Variants in GRIK5 observed in about 807,000 individuals in gnomAD.
The protein encoded by GRIK5 is glutamate receptor ionotropic, kainate 5.
Under a neutral mutation model 97.4 loss-of-function variants are expected in GRIK5, and 43 were observed. The ratio of observed to expected loss-of-function variants is 0.44; its 90% CI spans 0.35 to 0.57. The LOEUF (loss-of-function observed/expected upper bound fraction) is 0.57, where lower values mean the gene tolerates loss of function less well. GRIK5 is among the 20% of genes least tolerant of loss of function. The pLI is 0.01. For missense variants in GRIK5, 1,015 were observed against 1,382.0 expected, an observed-to-expected ratio of 0.73 and a Z score of 4.21; for synonymous variants, 580 against 583.5, an observed-to-expected ratio of 0.99 and a Z score of 0.09.
rs2075428309 is a variant in GRIK5, at chr19:42,002,079, G to C, written c.2514+1253C>G. 1 of 701,570 alleles carries C rather than the reference G, an allele frequency of 1.4e-6. No individual in the cohort carries two copies. Among genetic ancestry groups the C allele is most frequent in the East Asian group, 2.7e-5 (1 of 37,130 alleles). The allele number at this position is 701,570 out of a possible 1,614,324, so 43.5% of individuals were successfully genotyped here. A position where few individuals can be genotyped will look rare whatever the true frequency, so the allele number is the denominator to read the frequency against. Reference sequence around the variant, plus strand: ...GTGACTGGCTGTGCCGAAGCCCACTGCTACCTCATATACATGAGGCCTGAG... The same window carrying C: ...GTGACTGGCTGTGCCGAAGCCCACTCCTACCTCATATACATGAGGCCTGAG... On this transcript the variant is annotated intron_variant, in intron 19 of 19. Coordinates refer to ENST00000593562, the MANE Select transcript of GRIK5 (RefSeq NM_002088.5). The surrounding 1 kb of genome is among the most constrained non-coding windows in gnomAD (Gnocchi z 5.2).
intron 15 of GRIK5, among the ~76,000 whole-genome samples, chr19:42,015,153 A>G (rs2075609700): frequency 6.6e-6 from 1 of 152,238 alleles, no homozygotes; most frequent in South Asian, 2.1e-4. Context: ...TTCAACATGC[A>G]TGAGGCAAAA....
chr19:42,020,234 G>C (rs1291785823), intron 15 of GRIK5, among the ~76,000 whole-genome samples: 18 of 152,208 alleles, frequency 1.2e-4, no homozygotes, highest in Non-Finnish European at 1.5e-5. Context: ...TTAGTTAGGA[G>C]AAGGGAAAAA....
intron 8 of GRIK5, among the ~76,000 whole-genome samples, chr19:42,055,472 C>G (rs2076171139): frequency 6.6e-6 from 1 of 152,178 alleles, no homozygotes; most frequent in Non-Finnish European, 1.5e-5. Context: ...TATTATCAGA[C>G]ACCTGTTATG....
intron 11 of GRIK5, among the ~76,000 whole-genome samples, chr19:42,044,339 T>C (rs2076017132): frequency 6.6e-6 from 1 of 152,192 alleles, no homozygotes; most frequent in Admixed American, 6.5e-5. Context: ...CTAATACCAA[T>C]TATTATTAAA....
intron 8 of GRIK5, 26 bp downstream of exon 8, chr19:42,056,636 G>C (rs1169840361): frequency 6.2e-7 from 1 of 1,606,914 alleles, no homozygotes; most frequent in Non-Finnish European, 8.5e-7. Flanking sequence ...GTGTTTCTGG[G>C]TGTGACTGGG....
At position 42,018,981 on chromosome 19, in the gene GRIK5, G is replaced by A. The variant is rs79272947; in HGVS notation, c.1871+2320C>T. On this transcript the variant is annotated intron_variant, in intron 15 of 19. Coordinates refer to ENST00000593562, the MANE Select transcript of GRIK5 (RefSeq NM_002088.5). ...ACATCTGCTGAATGAGTGAATGTGT[G>A]GGAGGACTTTGGGTGCAGAAGAGAG... Among the ~76,000 whole-genome samples the A allele has an allele frequency of 6.8e-3, 1,038 of 152,312 alleles. 81 individuals carry two copies. The East Asian group carries it at 0.17, about 26-fold the overall frequency.
At position 42,065,315 on chromosome 19, in the gene GRIK5, A is replaced by T. The variant is rs780481622; in HGVS notation, c.152T>A (p.Ile51Asn). Residue 51 changes from isoleucine to asparagine, a missense_variant, in exon 3 of 20, where the codon ATC becomes AAC. Ile to Asn is a moderately radical substitution (Grantham distance 149). Transcript: ENST00000593562. The surrounding 1 kb of genome is among the most constrained non-coding windows in gnomAD (Gnocchi z 5.8). ...GGCTGGGACCTCGATGATCCCGTTG[A>T]TCTGCTCCCGGGCCAAGGCCAAGGC... ...RLALALAREQINGIIEVPAKA... is the reference protein window; with the variant it reads ...RLALALAREQNNGIIEVPAKA... 3 of 1,612,576 alleles carry T rather than the reference A, an allele frequency of 1.9e-6. No individual in the cohort carries two copies. The highest frequency in any genetic ancestry group is 2.5e-6 in the Non-Finnish European group (3 of 1,179,776).
chr19:42,066,754 G>A (rs2076338920), intron 1 of GRIK5, among the ~76,000 whole-genome samples: 1 of 151,914 alleles, frequency 6.6e-6, no homozygotes, highest in Non-Finnish European at 1.5e-5. Flanking sequence ...GCGGAGGAAA[G>A]AGGGGCAGGC....
Position 42,022,262 on chromosome 19 carries a change from G to T in GRIK5, c.1566C>A (p.Ser522Arg). 6.2e-7 allele frequency: 1 copy of T among 1,612,628 alleles called. No homozygotes were observed. Among genetic ancestry groups the T allele is most frequent in the Non-Finnish European group, 8.5e-7 (1 of 1,178,630 alleles). ...ATACCATGTGCACTCGGTAGAGGAT[G>T]CTGATCCCCAGGGTCATAAAGGGCT... ...FSKPFMTLGISILYRVHMGRK... is the reference protein window; with the variant it reads ...FSKPFMTLGIRILYRVHMGRK... Residue 522 changes from serine to arginine, a missense_variant, in exon 13 of 20, where the codon AGC becomes AGA. Coordinates refer to ENST00000593562, the MANE Select transcript of GRIK5 (RefSeq NM_002088.5). The surrounding 1 kb of genome is among the most constrained non-coding windows in gnomAD (Gnocchi z 4.2).
At chr19:42,052,451 C>T (rs955550780) in intron 11 of GRIK5, among the ~76,000 whole-genome samples, 1 of 152,198 alleles carries the variant, frequency 6.6e-6, no homozygotes, top group Non-Finnish European at 1.5e-5. Context: ...CCCTCCACAA[C>T]AGGATCACTG....
chr19:42,023,370 A>G (rs1381766799), intron 12 of GRIK5, among the ~76,000 whole-genome samples: 1 of 152,058 alleles, frequency 6.6e-6, no homozygotes, highest in Non-Finnish European at 1.5e-5. Context: ...GAGCATAGGG[A>G]GCTTCCATCC....
At position 42,002,476 on chromosome 19, in the gene GRIK5, G is replaced by A. The variant is rs1555871204; in HGVS notation, c.2514+856C>T. The A allele has an allele frequency of 4.2e-6, 3 of 717,408 alleles. No individual in the cohort carries two copies. The highest frequency in any genetic ancestry group is 2.7e-5 in the East Asian group (1 of 37,308). The allele number at this position is 717,408 out of a possible 1,614,324, so 44.4% of individuals were successfully genotyped here. A position where few individuals can be genotyped will look rare whatever the true frequency, so the allele number is the denominator to read the frequency against. On this transcript the variant is annotated intron_variant, in intron 19 of 19. Transcript: ENST00000593562. The surrounding 1 kb of genome is among the most constrained non-coding windows in gnomAD (Gnocchi z 5.2). ...GGAGGGCACCTTTACTAGCAGCATG[G>A]ACGGCTCCTTCAGAGGAGTCCTTGG...
In GRIK5 at chr19:42,022,312, G is replaced by A. The variant is rs1250012930; in HGVS notation, c.1516C>T (p.Arg506Trp). ...TTGGAAAAGTCGATGACCTTCTCCC[G>A]CTCAGCTGTGATGGTGAAGGCGGCC... ...AVAAFTITAE[R>W]EKVIDFSKPF... Residue 506 changes from arginine to tryptophan, a missense_variant, in exon 13 of 20, where the codon CGG (arginine) becomes TGG (tryptophan). Arg to Trp is a moderately radical substitution (Grantham distance 101, BLOSUM62 -3). This residue lies in a region of GRIK5 where 477 missense variants were observed against 701.1 expected (regional missense o/e 0.68). Transcript: ENST00000593562. This position sits in a 1 kb window ranked among gnomAD's most constrained non-coding sequence, Gnocchi z 4.2. The A allele has an allele frequency of 1.2e-6, 2 of 1,613,998 alleles. No homozygotes were observed. Among genetic ancestry groups the A allele is most frequent in the Non-Finnish European group, 1.7e-6 (2 of 1,179,958 alleles).
chr19:42,028,530 G>C (rs766798961), intron 12 of GRIK5, among the ~76,000 whole-genome samples: 3 of 152,228 alleles, frequency 2.0e-5, no homozygotes, highest in Non-Finnish European at 4.4e-5. Context: ...TCTCCTGGCA[G>C]CAGATGAATC....
In GRIK5 at chr19:42,065,219, T is replaced by C; in HGVS notation, c.244+4A>G. 1 of 1,607,652 alleles carries C rather than the reference T, an allele frequency of 6.2e-7. No individual in the cohort carries two copies. Among genetic ancestry groups the C allele is most frequent in the Non-Finnish European group, 8.5e-7 (1 of 1,176,082 alleles). On this transcript the variant is annotated splice_donor_region_variant and intron_variant, in intron 3 of 19. Coordinates refer to ENST00000593562, the MANE Select transcript of GRIK5 (RefSeq NM_002088.5). The surrounding 1 kb of genome is among the most constrained non-coding windows in gnomAD (Gnocchi z 5.8). Reference sequence around the variant, plus strand: ...TCACCCCACGCCCCCATGGCCCCGCTCACTGGTGTCCGTGGTCTCGTACTG... The same window carrying C: ...TCACCCCACGCCCCCATGGCCCCGCCCACTGGTGTCCGTGGTCTCGTACTG...
At chr19:42,024,374 G>A (rs371378516) in intron 12 of GRIK5, among the ~76,000 whole-genome samples, 72 of 152,102 alleles carry the variant, frequency 4.7e-4, no homozygotes, top group African/African-American at 1.6e-3. Flanking sequence ...CACCATGCCC[G>A]GCTGATTTTT....
chr19:42,017,831 G>T (rs1278191218), intron 15 of GRIK5, among the ~76,000 whole-genome samples: 1 of 152,168 alleles, frequency 6.6e-6, no homozygotes, highest in African/African-American at 2.4e-5. Context: ...AGGGCGTGAG[G>T]AAAGGAGGAC....
chr19:42,054,740 C>T (rs2076160806), intron 8 of GRIK5, among the ~76,000 whole-genome samples: 1 of 152,050 alleles, frequency 6.6e-6, no homozygotes. Context: ...CAGAGGGTGC[C>T]TGGATAGCTA....
chr19:42,047,988 A>G lies in GRIK5; in HGVS notation c.1270-5233T>C, dbSNP rs58349292. ...ACTCTGTCTCAAAAAAAAAAAAAAA[A>G]AAAAGAAAAAAATGTATTTTGACTC... On this transcript the variant is annotated intron_variant, in intron 11 of 19. Transcript: ENST00000593562. Among the ~76,000 whole-genome samples, 1,017 of 151,614 alleles carry G rather than the reference A, an allele frequency of 6.7e-3. 11 individuals carry two copies. The highest frequency in any genetic ancestry group is 0.023 in the African/African-American group (941 of 41,412).
Sources: allele counts gnomAD v4.1 joint callset (sites outside exome capture counted in the v4.1 genomes callset), GRCh38; gene constraint gnomAD v4.1.1; regional missense constraint gnomAD v4.1.1; non-coding constraint Gnocchi (gnomAD v3.1); transcripts MANE v1.5; gene names NCBI Gene and HGNC (gene_info 2026-07-23, HGNC 2026-07-21).